The following PLCB1 variants were observed in gnomAD, a reference collection of about 807,000 sequenced individuals.
The protein encoded by PLCB1 is phospholipase C beta 1, also known as 1-phosphatidylinositol 4,5-bisphosphate phosphodiesterase beta-1.
A neutral mutation model predicts 161.8 loss-of-function variants in PLCB1; 46 were observed. The ratio of observed to expected loss-of-function variants is 0.28; its 90% CI spans 0.22 to 0.36. The LOEUF is 0.36. PLCB1 is among the 10% of genes least tolerant of loss of function. PLCB1 has a pLI of 1.00. For missense variants in PLCB1, 1,016 were observed against 1,472.5 expected, an observed-to-expected ratio of 0.69 and a Z score of 5.07; for synonymous variants, 517 against 503.7, an observed-to-expected ratio of 1.03 and a Z score of -0.35.
intron 3 of PLCB1, among the ~76,000 whole-genome samples, chr20:8,398,215 A>T (rs1436066662): frequency 6.6e-6 from 1 of 152,162 alleles, no homozygotes; most frequent in Non-Finnish European, 1.5e-5. Context: ...CCATGCATGT[A>T]TATACATACA....
At chr20:8,497,152 A>G (rs901461817) in intron 3 of PLCB1, among the ~76,000 whole-genome samples, 2 of 152,188 alleles carry the variant, frequency 1.3e-5, no homozygotes. Context: ...TGAAGGGGAA[A>G]ATGCACAAAT....
chr20:8,687,770 A>G (rs1483856200), intron 10 of PLCB1, among the ~76,000 whole-genome samples: 1 of 152,174 alleles, frequency 6.6e-6, no homozygotes, highest in Non-Finnish European at 1.5e-5. Context: ...CGATTTTGCT[A>G]TTGTGAATTG....
chr20:8,178,570 T>C (rs6055595), intron 2 of PLCB1, among the ~76,000 whole-genome samples: 47,641 of 152,084 alleles, frequency 0.31, 9,660 homozygotes, highest in African/African-American at 0.58. Flanking sequence ...TGTTTTCTCA[T>C]ATTCTGCAGG....
intron 31 of PLCB1, among the ~76,000 whole-genome samples, chr20:8,824,433 G>T (rs1363821375): frequency 1.3e-5 from 2 of 152,168 alleles, no homozygotes; most frequent in African/African-American, 4.8e-5. Flanking sequence ...TTGGATGCTA[G>T]AATTTGAATG....
chr20:8,572,470 T>C (rs964916896), intron 3 of PLCB1, among the ~76,000 whole-genome samples: 1 of 152,262 alleles, frequency 6.6e-6, no homozygotes, highest in African/African-American at 2.4e-5. Flanking sequence ...AAGCAAGTTC[T>C]GATTCTAATG....
rs538227050 is a variant in PLCB1, at chr20:8,696,802, C to T, written c.1010-824C>T. 7.9e-5 allele frequency among the ~76,000 whole-genome samples: 12 copies of T among 152,236 alleles called. No homozygotes were observed. The South Asian group carries it at 8.3e-4, about 11-fold the overall frequency. On this transcript the variant is annotated intron_variant, in intron 10 of 31. Transcript: ENST00000338037. ...AGGCTGGAGTGCAATGGCACCATCT[C>T]GGCTCACTGCAAGCTCCGCCTCCCG...
chr20:8,146,602 T>C (rs1171489861), intron 1 of PLCB1, among the ~76,000 whole-genome samples: 2 of 152,242 alleles, frequency 1.3e-5, no homozygotes, highest in African/African-American at 4.8e-5. Flanking sequence ...TTGACTTATA[T>C]CAGTGCATTG....
chr20:8,710,375 A>G (rs1183849604), intron 12 of PLCB1, among the ~76,000 whole-genome samples: 1 of 152,052 alleles, frequency 6.6e-6, no homozygotes, highest in African/African-American at 2.4e-5. Flanking sequence ...ATCACCTCCC[A>G]CCAGGCCCCA....
At chr20:8,731,401 A>G (rs912330313) in intron 18 of PLCB1, among the ~76,000 whole-genome samples, 38 of 151,854 alleles carry the variant, frequency 2.5e-4, no homozygotes, top group African/African-American at 6.7e-4. Context: ...CTCCTTGTCT[A>G]TCAAACACCA....
chr20:8,213,151 G>A (rs1978924469), intron 2 of PLCB1, among the ~76,000 whole-genome samples: 1 of 152,150 alleles, frequency 6.6e-6, no homozygotes, highest in African/African-American at 2.4e-5. Context: ...TGGGGGCCTG[G>A]TGTTACCCTG....
At chr20:8,512,237 C>T (rs924514488) in intron 3 of PLCB1, among the ~76,000 whole-genome samples, 6 of 152,100 alleles carry the variant, frequency 3.9e-5, no homozygotes, top group South Asian at 2.1e-4. Flanking sequence ...CATTGAAATC[C>T]TGTAAAATTT....
At chr20:8,269,877 A>G (rs1982187733) in intron 2 of PLCB1, among the ~76,000 whole-genome samples, 1 of 152,020 alleles carries the variant, frequency 6.6e-6, no homozygotes, top group African/African-American at 2.4e-5. Flanking sequence ...TTTATTTGTG[A>G]AATGTAGATC....
At chr20:8,297,402 A>G (rs1376481173) in intron 2 of PLCB1, among the ~76,000 whole-genome samples, 1 of 152,178 alleles carries the variant, frequency 6.6e-6, no homozygotes, top group Non-Finnish European at 1.5e-5. Flanking sequence ...CCATGTTAAT[A>G]GTAATAATGT....
At chr20:8,682,637 A>G (rs2123392299) in intron 9 of PLCB1, among the ~76,000 whole-genome samples, 1 of 152,328 alleles carries the variant, frequency 6.6e-6, no homozygotes, top group South Asian at 2.1e-4. Flanking sequence ...TAGCTTTGCC[A>G]TTTACAAATG....
intron 2 of PLCB1, among the ~76,000 whole-genome samples, chr20:8,302,083 T>C (rs1347017716): frequency 1.3e-5 from 2 of 152,240 alleles, no homozygotes; most frequent in African/African-American, 2.4e-5. Flanking sequence ...TGGTGCTCAG[T>C]AAGAACTCAG....
At chr20:8,167,881 G>T (rs1055691811) in intron 2 of PLCB1, among the ~76,000 whole-genome samples, 1 of 152,086 alleles carries the variant, frequency 6.6e-6, no homozygotes, top group Non-Finnish European at 1.5e-5. Context: ...GGCTCTGGGG[G>T]ATCATTTTTC....
chr20:8,528,403 A>G (rs1984666488), intron 3 of PLCB1, among the ~76,000 whole-genome samples: 1 of 152,110 alleles, frequency 6.6e-6, no homozygotes, highest in South Asian at 2.1e-4. Context: ...AGTTGAATGA[A>G]AGAAGCCAGA....
chr20:8,188,006 G>T (rs928779199), intron 2 of PLCB1, among the ~76,000 whole-genome samples: 2 of 152,050 alleles, frequency 1.3e-5, no homozygotes. Context: ...GTTATCTCTA[G>T]CTCTCTCATG....
intron 3 of PLCB1, among the ~76,000 whole-genome samples, chr20:8,626,861 T>C (rs190018673): frequency 6.6e-6 from 1 of 152,354 alleles, no homozygotes; most frequent in African/African-American, 2.4e-5. Flanking sequence ...CACCTTGTTA[T>C]CAAGTTTAAT....
Sources: gnomAD v4.1 joint callset for allele counts (sites outside exome capture counted in the v4.1 genomes callset) on GRCh38, gnomAD v4.1.1 for gene constraint, MANE v1.5 for transcripts, NCBI Gene and HGNC (gene_info 2026-07-23, HGNC 2026-07-21) for gene names.